SIL1: variants seen among roughly 807,000 people sequenced by gnomAD.
The protein encoded by SIL1 is nucleotide exchange factor SIL1.
Under a neutral mutation model 49.1 loss-of-function variants are expected in SIL1, and 40 were observed. The ratio of observed to expected loss-of-function variants is 0.81; its 90% CI spans 0.63 to 1.06. The LOEUF is 1.06. SIL1 is among the 50% of genes least tolerant of loss of function. The pLI, the probability that SIL1 is intolerant of heterozygous loss-of-function variation, is 0.00. For synonymous variants in SIL1, 253 were observed against 250.8 expected (o/e 1.01, Z -0.08); for missense variants, 500 against 572.6 (o/e 0.87, Z 1.29).
chr5:139,122,586 C>A (rs1376906065), intron 2 of SIL1, among the ~76,000 whole-genome samples: 1 of 151,498 alleles, frequency 6.6e-6, no homozygotes, highest in African/African-American at 2.4e-5. Context: ...CAGAGCAAGA[C>A]CCTGTCTCAA....
chr5:139,191,626 A>G (rs1752173371), intron 1 of SIL1, among the ~76,000 whole-genome samples: 1 of 152,060 alleles, frequency 6.6e-6, no homozygotes, highest in Admixed American at 6.5e-5. Flanking sequence ...CTTTAAAAAA[A>G]AAAAAAAAAA....
chr5:139,178,659 C>T (rs953737702), intron 1 of SIL1, among the ~76,000 whole-genome samples: 3 of 152,090 alleles, frequency 2.0e-5, no homozygotes, highest in Admixed American at 6.6e-5. Context: ...ACTCGAACAT[C>T]ACTTCCTCAA....
At chr5:139,094,745 C>G (rs1770418231) in intron 3 of SIL1, among the ~76,000 whole-genome samples, 1 of 152,214 alleles carries the variant, frequency 6.6e-6, no homozygotes, top group African/African-American at 2.4e-5. Flanking sequence ...TTAGTGTTAA[C>G]TAGACTCCAG....
chr5:138,991,071 A>C (rs1767747556), intron 7 of SIL1, among the ~76,000 whole-genome samples: 1 of 152,186 alleles, frequency 6.6e-6, no homozygotes, highest in Non-Finnish European at 1.5e-5. Flanking sequence ...GTGATCTGAA[A>C]AATGAAGGCT....
chr5:139,119,797 T>C (rs1448232392), intron 3 of SIL1, among the ~76,000 whole-genome samples: 2 of 152,110 alleles, frequency 1.3e-5, no homozygotes, highest in Non-Finnish European at 2.9e-5. Flanking sequence ...ACTATATACA[T>C]AAAATCAGCG....
intron 3 of SIL1, among the ~76,000 whole-genome samples, chr5:139,052,277 T>C (rs1046836320): frequency 1.3e-5 from 2 of 152,212 alleles, no homozygotes; most frequent in East Asian, 3.8e-4. Context: ...GCTGTTGCTG[T>C]TCCTGCCGTC....
chr5:139,050,744 T>C (rs1445742428), intron 4 of SIL1, among the ~76,000 whole-genome samples, 194 bp downstream of exon 4: 1 of 152,206 alleles, frequency 6.6e-6, no homozygotes, highest in Non-Finnish European at 1.5e-5. Flanking sequence ...AAGTATCAAT[T>C]TGCTTTGCAA....
intron 4 of SIL1, among the ~76,000 whole-genome samples, chr5:139,048,781 ATG>A (rs1443665556): frequency 1.3e-5 from 2 of 152,238 alleles, no homozygotes; most frequent in Non-Finnish European, 2.9e-5. Flanking sequence ...GCACTGAAAT[ATG>A]TGTGTATTGT....
intron 7 of SIL1, among the ~76,000 whole-genome samples, chr5:138,993,857 C>T (rs1478374216): frequency 1.3e-5 from 2 of 152,098 alleles, no homozygotes; most frequent in African/African-American, 2.4e-5. Flanking sequence ...GCAGAGGACC[C>T]GACAAAGTCA....
chr5:139,153,824 G>A (rs1581137472), intron 1 of SIL1, among the ~76,000 whole-genome samples: 1 of 152,192 alleles, frequency 6.6e-6, no homozygotes, highest in Non-Finnish European at 1.5e-5. Flanking sequence ...CGGAATGTAG[G>A]TGTTGTTAAA....
At chr5:139,168,299 C>G (rs936178942) in intron 1 of SIL1, among the ~76,000 whole-genome samples, 1 of 152,188 alleles carries the variant, frequency 6.6e-6, no homozygotes, top group Admixed American at 6.5e-5. Flanking sequence ...ACAACTGAAG[C>G]CTTGCAACTT....
intron 7 of SIL1, among the ~76,000 whole-genome samples, chr5:138,954,747 C>G (rs1014929964): frequency 1.3e-5 from 2 of 152,216 alleles, no homozygotes; most frequent in African/African-American, 2.4e-5. Context: ...ACTACCAAAA[C>G]AGCTCAGAGT....
chr5:139,168,957 CAA>C (rs1241500802), intron 1 of SIL1, among the ~76,000 whole-genome samples: 23 of 98,948 alleles, frequency 2.3e-4, no homozygotes, highest in East Asian at 3.2e-4. Flanking sequence ...GACCCTGTCT[CAA>C]AAAAAAAAAA....
intron 3 of SIL1, among the ~76,000 whole-genome samples, chr5:139,099,777 AGGAAAGGGAGTG>A (rs568790310): frequency 6.6e-6 from 1 of 152,324 alleles, no homozygotes; most frequent in East Asian, 1.9e-4. Context: ...ACCATAGGCT[AGGAAAGGGAGTG>A]GGGAAGGGGA....
At chr5:139,149,695 T>C (rs1251391041) in intron 1 of SIL1, among the ~76,000 whole-genome samples, 1 of 152,014 alleles carries the variant, frequency 6.6e-6, no homozygotes, top group South Asian at 2.1e-4. Context: ...CTTTGATGAT[T>C]AAAAGAGGAA....
chr5:139,171,638 A>G (rs972473574), intron 1 of SIL1, among the ~76,000 whole-genome samples: 1 of 151,598 alleles, frequency 6.6e-6, no homozygotes, highest in African/African-American at 2.4e-5. Flanking sequence ...CCTTCCCTCC[A>G]CTATTGTCCT....
chr5:138,998,530 A>T (rs1767921889), intron 7 of SIL1, among the ~76,000 whole-genome samples: 3 of 152,334 alleles, frequency 2.0e-5, no homozygotes, highest in African/African-American at 7.2e-5. Flanking sequence ...CAAGATATAC[A>T]GAAAGCATGG....
intron 3 of SIL1, among the ~76,000 whole-genome samples, chr5:139,073,955 G>A (rs753506057): frequency 6.6e-6 from 1 of 151,892 alleles, no homozygotes; most frequent in Non-Finnish European, 1.5e-5. Context: ...AAAATGCCAA[G>A]AGAAAGAATG....
chr5:139,023,791 C>T (rs767616901), intron 6 of SIL1, among the ~76,000 whole-genome samples: 1 of 152,324 alleles, frequency 6.6e-6, no homozygotes, highest in East Asian at 1.9e-4. Flanking sequence ...GGACTCGGGC[C>T]GAGTTGTGTC....
Sources: gnomAD v4.1 joint callset for allele counts (sites outside exome capture counted in the v4.1 genomes callset) on GRCh38, gnomAD v4.1.1 for gene constraint, MANE v1.5 for transcripts, NCBI Gene and HGNC (gene_info 2026-07-23, HGNC 2026-07-21) for gene names.